Variants in LGR4 observed in about 807,000 individuals in gnomAD.
LGR4 encodes leucine-rich repeat-containing G protein-coupled receptor 4.
A neutral mutation model predicts 84.8 loss-of-function variants in LGR4; 44 were observed. The ratio of observed to expected loss-of-function variants is 0.52; its 90% CI spans 0.41 to 0.67. The LOEUF (loss-of-function observed/expected upper bound fraction) is 0.67. Among genes scored for constraint, LGR4 ranks in the 30% least tolerant of loss-of-function variants. The pLI is 0.00. For synonymous variants in LGR4, 429 were observed against 434.3 expected, an observed-to-expected ratio of 0.99 and a Z score of 0.15; for missense variants, 1,032 against 1,131.4, an observed-to-expected ratio of 0.91 and a Z score of 1.26.
In LGR4 at chr11:27,396,666, C is replaced by G. The variant is rs1323230013; in HGVS notation, c.258-4148G>C. ...CTGGGTTTGCACTTCTGTGCTATAG[C>G]CAACAGTTTTCGTAGCTTCTCACTA... On this transcript the variant is annotated intron_variant, in intron 2 of 17. Coordinates refer to ENST00000379214, the MANE Select transcript of LGR4 (RefSeq NM_018490.5). Among the ~76,000 whole-genome samples, 3 of 152,184 alleles carry G rather than the reference C, an allele frequency of 2.0e-5. No homozygotes were observed. The East Asian group carries it at 5.8e-4, about 29-fold the overall frequency.
intron 14 of LGR4, 79 bp downstream of exon 14, chr11:27,373,896 G>C: frequency 1.8e-6 from 2 of 1,132,492 alleles, no homozygotes; most frequent in South Asian, 2.6e-5. Context: ...AAAATATTTT[G>C]ATTCGACAAT....
chr11:27,433,526 C>T (rs1229004957), intron 1 of LGR4, among the ~76,000 whole-genome samples: 1 of 151,928 alleles, frequency 6.6e-6, no homozygotes, highest in Non-Finnish European at 1.5e-5. Flanking sequence ...CCACCATGCC[C>T]GGCCCACTCT....
intron 12 of LGR4, among the ~76,000 whole-genome samples, chr11:27,376,641 G>T (rs533721785): frequency 9.9e-4 from 151 of 152,188 alleles, no homozygotes; most frequent in African/African-American, 3.6e-3. Context: ...GGAATTAACT[G>T]GTATGCTATC....
intron 2 of LGR4, 121 bp downstream of exon 2, chr11:27,412,668 C>T (rs1863733078): frequency 4.1e-6 from 3 of 729,876 alleles, no homozygotes; most frequent in Non-Finnish European, 7.4e-6. Context: ...CCTCACAAAG[C>T]CCACTGAAAT....
At chr11:27,375,098 A>G (rs1484264429) in intron 13 of LGR4, among the ~76,000 whole-genome samples, 1 of 151,422 alleles carries the variant, frequency 6.6e-6, no homozygotes, top group African/African-American at 2.4e-5. Flanking sequence ...AGCCTGGGCA[A>G]CATAGGGAGA....
rs57183310 is a variant in LGR4 at position 27,436,347 on chromosome 11, G to GAGAAAGAA, written c.186-23495_186-23488dup. 4.8e-3 allele frequency among the ~76,000 whole-genome samples: 651 copies of GAGAAAGAA among 134,704 alleles called. 7 individuals carry two copies. Among genetic ancestry groups the GAGAAAGAA allele is most frequent in the Middle Eastern group, 0.03 (8 of 266 alleles). The allele number at this position is 134,704 out of a possible 152,430, so 88.4% of individuals were successfully genotyped here. Reference sequence around the variant, plus strand: ...AAGAAATAAAAGACAGAGAGAGAGAGAGAAAGAAAGAAAGAAAGAAAGAAA... The same window carrying GAGAAAGAA: ...AAGAAATAAAAGACAGAGAGAGAGAGAGAAAGAAAGAAAGAAAGAAAGAAAGAAAGAAA... On this transcript the variant is annotated intron_variant, in intron 1 of 17. Transcript: ENST00000379214.
chr11:27,446,622 T>C (rs1864394993), intron 1 of LGR4, among the ~76,000 whole-genome samples: 2 of 152,202 alleles, frequency 1.3e-5, no homozygotes, highest in Admixed American at 1.3e-4. Context: ...TGGAGGACAA[T>C]GTGGTGATTC....
chr11:27,404,626 G>A (rs1459760874), intron 2 of LGR4, among the ~76,000 whole-genome samples: 1 of 152,060 alleles, frequency 6.6e-6, no homozygotes, highest in Non-Finnish European at 1.5e-5. Flanking sequence ...ATTAGGATGA[G>A]TCCAAAACCC....
At chr11:27,429,408 T>C (rs1272951541) in intron 1 of LGR4, among the ~76,000 whole-genome samples, 2 of 150,822 alleles carry the variant, frequency 1.3e-5, no homozygotes, top group Non-Finnish European at 2.9e-5. Context: ...TCACGAACCC[T>C]GGAGGCGGAG....
chr11:27,425,143 T>A (rs1204185838), intron 1 of LGR4, among the ~76,000 whole-genome samples: 2 of 152,150 alleles, frequency 1.3e-5, no homozygotes, highest in Non-Finnish European at 2.9e-5. Flanking sequence ...TGAACTTCGA[T>A]ATGTTGACAA....
chr11:27,407,978 C>T lies in LGR4; in HGVS notation c.257+4811G>A, dbSNP rs1324175412. 2.6e-5 allele frequency among the ~76,000 whole-genome samples: 4 copies of T among 152,070 alleles called. No homozygotes were observed. The East Asian group carries it at 7.7e-4, about 29-fold the overall frequency. ...AAGGGTATATGAAAAATTATGCTTG[C>T]AATATTTTGAAAGTCTGAAATTACC... is the stretch of plus-strand genomic sequence containing the variant. On this transcript the variant is annotated intron_variant, in intron 2 of 17. Coordinates refer to ENST00000379214, the MANE Select transcript of LGR4 (RefSeq NM_018490.5).
intron 1 of LGR4, among the ~76,000 whole-genome samples, chr11:27,423,136 T>A (rs920594124): frequency 6.6e-6 from 1 of 151,956 alleles, no homozygotes; most frequent in African/African-American, 2.4e-5. Context: ...CTCCAGTAAA[T>A]CCCTCCTAAT....
rs766115368 is a variant in LGR4 at position 27,367,858 on chromosome 11, C to T, written c.*9G>A. ...GGTTGACGGGGGAAACGGTTACACACACAGTAGTTCAGTCTTTAACTCTTG... is the reference window on the plus strand; with the variant it reads ...GGTTGACGGGGGAAACGGTTACACATACAGTAGTTCAGTCTTTAACTCTTG... On this transcript the variant is annotated 3_prime_UTR_variant, in exon 18 of 18. Coordinates refer to ENST00000379214, the MANE Select transcript of LGR4 (RefSeq NM_018490.5). The T allele has an allele frequency of 1.1e-4, 173 of 1,562,800 alleles. No homozygotes were observed. Among genetic ancestry groups the T allele is most frequent in the Non-Finnish European group, 1.4e-4 (162 of 1,159,672 alleles).
chr11:27,397,488 G>A (rs1345426551), intron 2 of LGR4, among the ~76,000 whole-genome samples: 4 of 152,062 alleles, frequency 2.6e-5, no homozygotes, highest in African/African-American at 7.2e-5. Context: ...TAATGTCTCC[G>A]CTAAGCCCCA....
chr11:27,368,455 A>G lies in LGR4; in HGVS notation c.2268T>C (p.Asn756=), dbSNP rs767863557. The change falls in exon 18 of 18, where the codon AAT becomes AAC. Residue 756 remains asparagine, a synonymous_variant. Coordinates refer to ENST00000379214, the MANE Select transcript of LGR4 (RefSeq NM_018490.5). ...ACGCCACAGGGCAGAAAAAGATGCA[A>G]TTGGTGAAGATTAGCCAAGCGACAT... ...IKHVAWLIFT[N]CIFFCPVAFF... The G allele has an allele frequency of 2.0e-5, 32 of 1,614,084 alleles. No individual in the cohort carries two copies. The highest frequency in any genetic ancestry group is 2.6e-5 in the Non-Finnish European group (31 of 1,180,024).
At chr11:27,439,899 CTCTTTT>C (rs1565094296) in intron 1 of LGR4, among the ~76,000 whole-genome samples, 3 of 139,386 alleles carry the variant, frequency 2.2e-5, no homozygotes, top group Non-Finnish European at 3.1e-5. Flanking sequence ...GGTAGGATTT[CTCTTTT>C]TTTTTTTTTT....
At chr11:27,425,326 G>GTTTTTTTTTTTTTTTTTTTTT (rs553464522) in intron 1 of LGR4, among the ~76,000 whole-genome samples, 1 of 142,484 alleles carries the variant, frequency 7.0e-6, no homozygotes. Context: ...TCTCAGCACA[G>GTTTTTTTTTTTTTTTTTTTTT]TTTTTTTTTT....
At chr11:27,417,255 G>GA (rs533683626) in intron 1 of LGR4, among the ~76,000 whole-genome samples, 1,477 of 146,150 alleles carry the variant, frequency 0.01, 12 homozygotes, top group Non-Finnish European at 0.016. Context: ...TCTAGGAAAA[G>GA]AAAAAAAAAA....
chr11:27,375,416 T>C (rs1420388131), intron 13 of LGR4, among the ~76,000 whole-genome samples: 1 of 152,190 alleles, frequency 6.6e-6, no homozygotes, highest in African/African-American at 2.4e-5. Flanking sequence ...CACCTCTATA[T>C]TCCCAAGTGC....
Sources: gnomAD v4.1 joint callset for allele counts (sites outside exome capture counted in the v4.1 genomes callset) on GRCh38, gnomAD v4.1.1 for gene constraint, MANE v1.5 for transcripts, NCBI Gene and HGNC (gene_info 2026-07-23, HGNC 2026-07-21) for gene names.